MAT2B: variants seen among roughly 807,000 people sequenced by gnomAD.
The protein encoded by MAT2B is methionine adenosyltransferase 2 non-catalytic beta subunit.
MAT2B carries 16 observed loss-of-function variants against 36.1 expected under a neutral mutation model. That is an observed-to-expected ratio of 0.44 (90% CI 0.30 to 0.67). The LOEUF is 0.67. Among genes scored for constraint, MAT2B ranks in the 30% least tolerant of loss-of-function variants. The pLI is 0.09. For missense variants in MAT2B, 332 were observed against 398.2 expected (o/e 0.83, Z 1.42); for synonymous variants, 148 against 136.9 (o/e 1.08, Z -0.57).
chr5:163,514,519 A>T (rs967352347), intron 4 of MAT2B, among the ~76,000 whole-genome samples: 18 of 152,250 alleles, frequency 1.2e-4, no homozygotes, highest in African/African-American at 4.3e-4. Flanking sequence ...GTTCTCATAA[A>T]TGCTGCCTCA....
At chr5:163,505,824 C>G in intron 1 of MAT2B, 75 bp downstream of exon 1, 1 of 1,163,110 alleles carries the variant, frequency 8.6e-7, no homozygotes, top group Non-Finnish European at 1.1e-6. Flanking sequence ...GCTCGGGCGG[C>G]TTTGCAGGCG....
At position 163,513,887 on chromosome 5, in the gene MAT2B, T is replaced by C; in HGVS notation, c.419T>C (p.Phe140Ser). The change falls in exon 4 of 7, where the codon TTT becomes TCT. Residue 140 changes from phenylalanine (F) to serine (S), a missense_variant. Phe to Ser is a radical substitution (Grantham distance 155). Transcript: ENST00000321757. ...ATCTACATTAGCTCAGATTATGTATTTGATGGAACAAATCCACCTTACAGA... is the reference window on the plus strand; with the variant it reads ...ATCTACATTAGCTCAGATTATGTATCTGATGGAACAAATCCACCTTACAGA... ...FLIYISSDYV[F>S]DGTNPPYREE... 6.2e-7 allele frequency: 1 copy of C among 1,613,136 alleles called. No individual in the cohort carries two copies. The highest frequency in any genetic ancestry group is 8.5e-7 in the Non-Finnish European group (1 of 1,179,614).
At chr5:163,509,398 T>G (rs1760000367) in intron 1 of MAT2B, among the ~76,000 whole-genome samples, 1 of 152,230 alleles carries the variant, frequency 6.6e-6, no homozygotes, top group African/African-American at 2.4e-5. Context: ...CTTTGAACTT[T>G]CCTGGAGTTC....
At chr5:163,506,558 T>C (rs1190374468) in intron 1 of MAT2B, among the ~76,000 whole-genome samples, 1 of 152,196 alleles carries the variant, frequency 6.6e-6, no homozygotes, top group African/African-American at 2.4e-5. Flanking sequence ...CCATGTCTTT[T>C]GGAGAGAGTA....
intron 1 of MAT2B, among the ~76,000 whole-genome samples, chr5:163,511,561 G>C (rs1760045285): frequency 6.7e-6 from 1 of 150,170 alleles, no homozygotes; most frequent in Admixed American, 6.7e-5. Context: ...GGGATTAAAG[G>C]CATGGGCCAC....
At chr5:163,508,966 AT>A (rs1759992782) in intron 1 of MAT2B, among the ~76,000 whole-genome samples, 1 of 152,202 alleles carries the variant, frequency 6.6e-6, no homozygotes, top group Admixed American at 6.5e-5. Context: ...GTATAAGGAT[AT>A]AAAGTTGCAT....
chr5:163,507,910 G>A (rs1759971807), intron 1 of MAT2B, among the ~76,000 whole-genome samples: 1 of 152,198 alleles, frequency 6.6e-6, no homozygotes, highest in Non-Finnish European at 1.5e-5. Flanking sequence ...GGATAATATG[G>A]AAAATGTTAG....
intron 1 of MAT2B, among the ~76,000 whole-genome samples, chr5:163,508,398 C>T (rs898861120): frequency 1.3e-5 from 2 of 150,510 alleles, no homozygotes; most frequent in African/African-American, 2.4e-5. Flanking sequence ...CCACCATGCC[C>T]GACTAGTTTT....
chr5:163,512,290 G>GT, intron 2 of MAT2B, 94 bp downstream of exon 2: 1 of 1,113,214 alleles, frequency 9.0e-7, no homozygotes, highest in Non-Finnish European at 1.4e-6. Context: ...AAATTACTAT[G>GT]TTTGAAAGCT....
upstream of MAT2B, chr5:163,503,156 C>T: frequency 2.2e-6 from 1 of 449,066 alleles, no homozygotes; most frequent in Non-Finnish European, 4.1e-6. Context: ...CATGAAACTT[C>T]TCATTGGGTA....
intron 4 of MAT2B, among the ~76,000 whole-genome samples, chr5:163,514,298 T>C (rs1760096507): frequency 6.6e-6 from 1 of 152,156 alleles, no homozygotes; most frequent in Admixed American, 6.5e-5. Flanking sequence ...TAGAGTGAGA[T>C]ATTCTGTTTA....
chr5:163,507,134 T>G (rs1759960967), intron 1 of MAT2B, among the ~76,000 whole-genome samples: 1 of 152,188 alleles, frequency 6.6e-6, no homozygotes, highest in Non-Finnish European at 1.5e-5. Flanking sequence ...CATGGAACTG[T>G]GCCAAGTTTT....
At chr5:163,515,139 C>G (rs1760111857) in intron 4 of MAT2B, among the ~76,000 whole-genome samples, 2 of 152,186 alleles carry the variant, frequency 1.3e-5, no homozygotes, top group Admixed American at 6.5e-5. Flanking sequence ...CCTCCCAGCA[C>G]TGTTGCTTCG....
At chr5:163,516,445 C>T (rs1760134259) in intron 4 of MAT2B, 73 bp from the exon 5 acceptor site, 2 of 1,228,046 alleles carry the variant, frequency 1.6e-6, no homozygotes, top group Non-Finnish European at 2.4e-6. Flanking sequence ...TTATTTAAAT[C>T]CACACCCTTG....
intron 2 of MAT2B, 142 bp downstream of exon 2, chr5:163,512,338 G>C (rs1181373190): frequency 4.2e-6 from 3 of 708,166 alleles, no homozygotes; most frequent in Non-Finnish European, 7.3e-6. Flanking sequence ...TTTTCATTTA[G>C]CATGACATGG....
upstream of MAT2B, chr5:163,505,541 G>A (rs1489733681): frequency 1.6e-6 from 2 of 1,243,152 alleles, no homozygotes; most frequent in Non-Finnish European, 2.0e-6. Flanking sequence ...CAACGGGCGC[G>A]GCTATGGCAG....
chr5:163,515,496 A>G (rs1336211715), intron 4 of MAT2B, among the ~76,000 whole-genome samples: 1 of 152,332 alleles, frequency 6.6e-6, no homozygotes, highest in East Asian at 1.9e-4. Context: ...TGTTCTTCAC[A>G]TAATTACAGT....
chr5:163,505,590 A>G (rs1402227816), upstream of MAT2B: 2 of 1,247,360 alleles, frequency 1.6e-6, no homozygotes, highest in Non-Finnish European at 2.0e-6. Flanking sequence ...TTCTGGGCCT[A>G]GGGGAGGCGG....
intron 6 of MAT2B, 51 bp from the exon 7 acceptor site, chr5:163,518,142 A>G: frequency 7.2e-7 from 1 of 1,392,378 alleles, no homozygotes; most frequent in South Asian, 1.4e-5. Context: ...AGCCCTCAAA[A>G]TATAGCCTTT....
Sources: allele counts gnomAD v4.1 joint callset (sites outside exome capture counted in the v4.1 genomes callset), GRCh38; gene constraint gnomAD v4.1.1; transcripts MANE v1.5; gene names NCBI Gene and HGNC (gene_info 2026-07-23, HGNC 2026-07-21).